Variants in NGEF observed in about 807,000 individuals in gnomAD.
NGEF encodes neuronal guanine nucleotide exchange factor.
Under a neutral mutation model 80.9 loss-of-function variants are expected in NGEF, and 31 were observed. The ratio of observed to expected loss-of-function variants is 0.38; its 90% CI spans 0.29 to 0.52. The LOEUF is 0.52. Among genes scored for constraint, NGEF ranks in the 20% least tolerant of loss-of-function variants. The pLI, the probability that NGEF is intolerant of heterozygous loss-of-function variation, is 0.84. For missense variants in NGEF, 709 were observed against 926.2 expected (o/e 0.77, Z 3.04); for synonymous variants, 371 against 370.2 (o/e 1.00, Z -0.03).
intron 3 of NGEF, chr2:232,928,005 C>A: frequency 1.8e-6 from 2 of 1,088,326 alleles, no homozygotes; most frequent in Non-Finnish European, 2.2e-6. Context: ...TCCATAGGGT[C>A]GGCGGCGGGG....
At chr2:232,910,464 T>C (rs1435164465) in intron 5 of NGEF, among the ~76,000 whole-genome samples, 4 of 127,358 alleles carry the variant, frequency 3.1e-5, no homozygotes, top group Non-Finnish European at 3.5e-5. Flanking sequence ...GTGGGGGGGG[T>C]AATGGGGGTG....
chr2:232,916,205 A>T (rs900446841), intron 5 of NGEF, among the ~76,000 whole-genome samples: 4 of 152,256 alleles, frequency 2.6e-5, no homozygotes, highest in Admixed American at 2.6e-4. Flanking sequence ...AGGGCACATA[A>T]GCCCTTGATA....
In NGEF at chr2:232,879,426, C is replaced by T. The variant is rs539273364; in HGVS notation, c.*63G>A. Reference sequence around the variant, plus strand: ...CTGGCCTGTGCTTCCCAGAGCCCCCCCCCCCCCACCTTCTGTCGGGGTCTC... The same window carrying T: ...CTGGCCTGTGCTTCCCAGAGCCCCCTCCCCCCCACCTTCTGTCGGGGTCTC... On this transcript the variant is annotated 3_prime_UTR_variant, in exon 15 of 15. Coordinates refer to ENST00000264051, the MANE Select transcript of NGEF (RefSeq NM_019850.3). 5 of 1,435,380 alleles carry T rather than the reference C, an allele frequency of 3.5e-6. No individual in the cohort carries two copies. Among genetic ancestry groups the T allele is most frequent in the Non-Finnish European group, 3.8e-6 (4 of 1,053,636 alleles). The allele number at this position is 1,435,380 out of a possible 1,614,324, so 88.9% of individuals were successfully genotyped here. A position where few individuals can be genotyped will look rare whatever the true frequency, so the allele number is the denominator to read the frequency against.
chr2:232,959,581 T>C (rs1441899680), intron 3 of NGEF, among the ~76,000 whole-genome samples: 1 of 94,738 alleles, frequency 1.1e-5, no homozygotes, highest in Non-Finnish European at 2.3e-5. Context: ...GCAATGACCT[T>C]TTTTTTTTTT....
chr2:232,942,792 C>CAAAAAAAA (rs35882284), intron 3 of NGEF, among the ~76,000 whole-genome samples: 4 of 120,566 alleles, frequency 3.3e-5, no homozygotes, highest in African/African-American at 5.9e-5. Flanking sequence ...GACTCCGTCT[C>CAAAAAAAA]AAAAAAAAAA....
intron 5 of NGEF, among the ~76,000 whole-genome samples, chr2:232,904,578 G>A (rs185966721): frequency 1.2e-4 from 18 of 152,258 alleles, no homozygotes; most frequent in African/African-American, 4.1e-4. Context: ...TCCTCCAATT[G>A]TTGGGTTCTC....
intron 1 of NGEF, among the ~76,000 whole-genome samples, chr2:232,995,902 G>A (rs1054248427): frequency 6.6e-6 from 1 of 151,054 alleles, no homozygotes; most frequent in Non-Finnish European, 1.5e-5. Context: ...ATATGGATAT[G>A]TGTATATATC....
rs532125219 is a variant in NGEF, at chr2:232,928,879, C to T, written c.384-1693G>A. Among the ~76,000 whole-genome samples the T allele has an allele frequency of 5.9e-5, 9 of 152,322 alleles. No homozygotes were observed. The South Asian group carries it at 1.9e-3, about 32-fold the overall frequency. Reference sequence around the variant, plus strand: ...CGCCTTCGCGTTAGCTGGGTCAGTCCGCTCGCGGATCAGAAAGAGCAGAAA... The same window carrying T: ...CGCCTTCGCGTTAGCTGGGTCAGTCTGCTCGCGGATCAGAAAGAGCAGAAA... On this transcript the variant is annotated intron_variant, in intron 3 of 14. Transcript: ENST00000264051.
rs770538770 is a variant in NGEF, at chr2:232,927,023, G to C, written c.526+21C>G. On this transcript the variant is annotated intron_variant, in intron 4 of 14. Transcript: ENST00000264051. ...GACCCGCGTTTCCCAAATAAAACCC[G>C]GTTACTGCGGAGACACCCACCTATT... The C allele has an allele frequency of 3.7e-6, 6 of 1,613,910 alleles. No homozygotes were observed. In the East Asian group the frequency reaches 1.1e-4, roughly 30 times the overall value.
chr2:233,009,196 A>T (rs371182088), intron 1 of NGEF, among the ~76,000 whole-genome samples: 23 of 152,290 alleles, frequency 1.5e-4, no homozygotes, highest in African/African-American at 5.3e-4. Context: ...CCTGGCCTCC[A>T]GTAACCAGCA....
At chr2:232,966,982 A>G (rs1265542135) in intron 3 of NGEF, among the ~76,000 whole-genome samples, 3 of 152,134 alleles carry the variant, frequency 2.0e-5, no homozygotes, top group African/African-American at 7.2e-5. Flanking sequence ...GACAGCAGGA[A>G]ACAATTGTCC....
intron 4 of NGEF, among the ~76,000 whole-genome samples, chr2:232,926,286 A>T (rs892284017): frequency 1.3e-5 from 2 of 152,076 alleles, no homozygotes; most frequent in Non-Finnish European, 2.9e-5. Context: ...TATATCATTC[A>T]TTCACGGGTG....
intron 5 of NGEF, among the ~76,000 whole-genome samples, chr2:232,903,436 G>GCA (rs35757997): frequency 0.24 from 35,714 of 148,656 alleles, 4,541 homozygotes; most frequent in Admixed American, 0.31. Context: ...TGACATGAGG[G>GCA]CACACACACA....
At chr2:233,005,337 C>CA (rs1467394654) in intron 1 of NGEF, among the ~76,000 whole-genome samples, 1 of 152,210 alleles carries the variant, frequency 6.6e-6, no homozygotes, top group African/African-American at 2.4e-5. Context: ...GCTGTCTCTA[C>CA]ACCCCCAAAA....
chr2:232,921,817 C>A (rs1239919843), intron 4 of NGEF, among the ~76,000 whole-genome samples: 1 of 152,162 alleles, frequency 6.6e-6, no homozygotes, highest in East Asian at 1.9e-4. Context: ...GAGAAACGGG[C>A]TGCAGCAGCT....
At chr2:232,905,312 C>G (rs1041725701) in intron 5 of NGEF, among the ~76,000 whole-genome samples, 4 of 152,248 alleles carry the variant, frequency 2.6e-5, no homozygotes, top group African/African-American at 7.2e-5. Flanking sequence ...CTGTGTTGGC[C>G]GGGCTGGTCT....
chr2:232,964,257 G>A (rs142214090), intron 3 of NGEF, among the ~76,000 whole-genome samples: 10 of 152,296 alleles, frequency 6.6e-5, no homozygotes, highest in African/African-American at 2.4e-4. Context: ...CCAGAGAAAT[G>A]AGTACATACA....
At chr2:232,907,467 T>A (rs968487943) in intron 5 of NGEF, among the ~76,000 whole-genome samples, 2 of 152,132 alleles carry the variant, frequency 1.3e-5, no homozygotes, top group Non-Finnish European at 2.9e-5. Flanking sequence ...AATCTGAAGA[T>A]CCCGGTTTTG....
intron 5 of NGEF, among the ~76,000 whole-genome samples, chr2:232,906,517 A>G (rs1575008378): frequency 1.8e-4 from 1 of 5,634 alleles, no homozygotes; most frequent in Non-Finnish European, 3.5e-4. Flanking sequence ...TGTGGGAGGG[A>G]GGTGGGGGGG....
Sources: gnomAD v4.1 joint callset for allele counts (sites outside exome capture counted in the v4.1 genomes callset) on GRCh38, gnomAD v4.1.1 for gene constraint, MANE v1.5 for transcripts, NCBI Gene and HGNC (gene_info 2026-07-23, HGNC 2026-07-21) for gene names.